GABBR2: variants seen among roughly 807,000 people sequenced by gnomAD.
The protein encoded by GABBR2 is gamma-aminobutyric acid type B receptor subunit 2.
In GABBR2, 23 loss-of-function variants were observed where a neutral mutation model predicts 105.6. The observed-to-expected ratio is 0.22, with a 90% CI of 0.16 to 0.31. GABBR2 has a LOEUF of 0.31. GABBR2 is among the 10% of genes least tolerant of loss of function. The probability of loss-of-function intolerance (pLI) is 1.00; values close to 1 mark genes in which losing one functional copy is unlikely to be tolerated. For synonymous variants in GABBR2, 478 were observed against 499.7 expected (o/e 0.96, Z 0.58); for missense variants, 734 against 1,245.5 (o/e 0.59, Z 6.18).
At chr9:98,647,978 A>G (rs373987203) in intron 1 of GABBR2, among the ~76,000 whole-genome samples, 173 of 151,514 alleles carry the variant, frequency 1.1e-3, no homozygotes, top group African/African-American at 3.9e-3. Context: ...TTTTCTCCAA[A>G]TAAATTGACA....
chr9:98,542,666 C>CA (rs1301981140), intron 2 of GABBR2, among the ~76,000 whole-genome samples: 4 of 151,886 alleles, frequency 2.6e-5, no homozygotes, highest in African/African-American at 9.7e-5. Flanking sequence ...TACTTATTTC[C>CA]AAAAAACATT....
At chr9:98,435,593 G>A (rs970755739) in intron 7 of GABBR2, among the ~76,000 whole-genome samples, 18 of 152,136 alleles carry the variant, frequency 1.2e-4, no homozygotes, top group African/African-American at 4.1e-4. Context: ...TCCCTTGCTA[G>A]ACACTTTTCC....
At chr9:98,319,479 T>A in intron 13 of GABBR2, among the ~76,000 whole-genome samples, 1 of 150,762 alleles carries the variant, frequency 6.6e-6, no homozygotes, top group Non-Finnish European at 1.5e-5. Context: ...GAATCAGAGA[T>A]CTGGAAAGGA....
At chr9:98,415,028 C>T (rs771258424) in intron 7 of GABBR2, among the ~76,000 whole-genome samples, 2 of 151,884 alleles carry the variant, frequency 1.3e-5, no homozygotes, top group Admixed American at 6.6e-5. Context: ...TCAGATAACT[C>T]GGTTACAGCA....
chr9:98,580,540 C>T (rs913686685), intron 1 of GABBR2, among the ~76,000 whole-genome samples: 2 of 152,186 alleles, frequency 1.3e-5, no homozygotes, highest in Non-Finnish European at 2.9e-5. Context: ...GTAATCCTAG[C>T]ACTTTGGGAG....
intron 1 of GABBR2, among the ~76,000 whole-genome samples, chr9:98,690,112 G>A (rs890891398): frequency 2.6e-5 from 4 of 152,080 alleles, no homozygotes; most frequent in South Asian, 2.1e-4. Flanking sequence ...ATCACAGCAG[G>A]GCTCTCATGG....
At chr9:98,303,181 C>T (rs1486508810) in intron 16 of GABBR2, 60 bp downstream of exon 16, 11 of 1,407,738 alleles carry the variant, frequency 7.8e-6, no homozygotes, top group African/African-American at 1.4e-5. Context: ...AGTCCCCGCA[C>T]AGGGTTAGAG....
intron 8 of GABBR2, among the ~76,000 whole-genome samples, chr9:98,399,121 C>T (rs372421534): frequency 1.5e-3 from 221 of 151,970 alleles, no homozygotes; most frequent in African/African-American, 5.0e-3. Context: ...TTTGGGAGGC[C>T]GAGGTGGGCA....
intron 14 of GABBR2, among the ~76,000 whole-genome samples, chr9:98,309,755 G>C (rs1830608124): frequency 6.6e-6 from 1 of 152,216 alleles, no homozygotes; most frequent in Admixed American, 6.5e-5. Context: ...ATTACCTTGT[G>C]CTCAGATTGC....
At chr9:98,414,814 T>G (rs1832658077) in intron 7 of GABBR2, among the ~76,000 whole-genome samples, 1 of 152,112 alleles carries the variant, frequency 6.6e-6, no homozygotes, top group Non-Finnish European at 1.5e-5. Context: ...TTCCTGATCC[T>G]TCATGCTTCC....
intron 1 of GABBR2, among the ~76,000 whole-genome samples, chr9:98,617,445 GC>G (rs1423301848): frequency 6.6e-6 from 1 of 152,174 alleles, no homozygotes; most frequent in African/African-American, 2.4e-5. Context: ...ATGACTGGGA[GC>G]CCCAAGTACC....
chr9:98,703,542 G>C (rs1268460602), intron 1 of GABBR2, among the ~76,000 whole-genome samples: 1 of 152,050 alleles, frequency 6.6e-6, no homozygotes. Flanking sequence ...GCCCAGGCTA[G>C]AGTGCAGCAG....
chr9:98,692,051 C>G (rs1830688615), intron 1 of GABBR2, among the ~76,000 whole-genome samples: 1 of 152,196 alleles, frequency 6.6e-6, no homozygotes, highest in African/African-American at 2.4e-5. Context: ...GAAGCAGGTA[C>G]TATTATTATC....
At chr9:98,374,441 T>G (rs867194374) in intron 11 of GABBR2, among the ~76,000 whole-genome samples, 1 of 152,240 alleles carries the variant, frequency 6.6e-6, no homozygotes, top group South Asian at 2.1e-4. Context: ...AGGTTGGTCC[T>G]TGGCTGGTAT....
chr9:98,494,112 C>T (rs1827228785), intron 4 of GABBR2, among the ~76,000 whole-genome samples: 2 of 152,186 alleles, frequency 1.3e-5, no homozygotes, highest in South Asian at 2.1e-4. Context: ...GAGCCACAAA[C>T]TGCCAAGGAT....
intron 13 of GABBR2, among the ~76,000 whole-genome samples, chr9:98,357,554 T>C (rs940841066): frequency 1.8e-4 from 28 of 151,938 alleles, no homozygotes; most frequent in African/African-American, 6.8e-4. Flanking sequence ...GGGCTGAGGC[T>C]GGGGGATCAC....
chr9:98,343,036 C>T (rs924266673), intron 13 of GABBR2, among the ~76,000 whole-genome samples: 1 of 152,178 alleles, frequency 6.6e-6, no homozygotes, highest in African/African-American at 2.4e-5. Context: ...ATATCTGTTT[C>T]CATAGAAACA....
At chr9:98,630,227 G>A (rs1379566639) in intron 1 of GABBR2, among the ~76,000 whole-genome samples, 1 of 152,178 alleles carries the variant, frequency 6.6e-6, no homozygotes, top group Non-Finnish European at 1.5e-5. Context: ...AGGCAGCCAA[G>A]CCCAAATCTG....
chr9:98,509,554 C>T (rs963669293), intron 3 of GABBR2, among the ~76,000 whole-genome samples: 2 of 152,090 alleles, frequency 1.3e-5, no homozygotes, highest in South Asian at 2.1e-4. Flanking sequence ...ACTAGAATAA[C>T]CAATGCAGAG....
Sources: allele counts gnomAD v4.1 joint callset (sites outside exome capture counted in the v4.1 genomes callset), GRCh38; gene constraint gnomAD v4.1.1; transcripts MANE v1.5; gene names NCBI Gene and HGNC (gene_info 2026-07-23, HGNC 2026-07-21).